CHCHD3: variants seen among roughly 807,000 people sequenced by gnomAD.
The protein encoded by CHCHD3 is MICOS complex subunit MIC19.
CHCHD3 carries 20 observed loss-of-function variants against 38.2 expected under a neutral mutation model. That is an observed-to-expected ratio of 0.52 (90% CI 0.37 to 0.76). CHCHD3 has a LOEUF of 0.76. Among genes scored for constraint, CHCHD3 ranks in the 30% least tolerant of loss-of-function variants. CHCHD3 has a pLI of 0.00. For synonymous variants in CHCHD3, 82 were observed against 100.0 expected (o/e 0.82, Z 1.07); for missense variants, 245 against 279.2 (o/e 0.88, Z 0.87).
chr7:132,901,777 C>T (rs1585620727), intron 4 of CHCHD3, among the ~76,000 whole-genome samples: 1 of 152,186 alleles, frequency 6.6e-6, no homozygotes, highest in African/African-American at 2.4e-5. Context: ...CCTGTTCACT[C>T]TGATGACAGT....
At chr7:132,906,946 A>G (rs1809817338) in intron 4 of CHCHD3, among the ~76,000 whole-genome samples, 1 of 152,202 alleles carries the variant, frequency 6.6e-6, no homozygotes, top group African/African-American at 2.4e-5. Context: ...GCCTGATCTA[A>G]GCAGAATACA....
chr7:132,917,783 C>A (rs1206339059), intron 4 of CHCHD3, among the ~76,000 whole-genome samples: 2 of 131,814 alleles, frequency 1.5e-5, no homozygotes, highest in Non-Finnish European at 3.1e-5. Flanking sequence ...GACGTGAACT[C>A]GGGAGGCGGA....
intron 4 of CHCHD3, among the ~76,000 whole-genome samples, chr7:132,901,401 C>T (rs7790698): frequency 0.7 from 106,944 of 152,070 alleles, 37,794 homozygotes; most frequent in African/African-American, 0.75. Flanking sequence ...ACCTCAGTGC[C>T]GGGATGGAGG....
chr7:132,896,295 G>T (rs1809493542), intron 4 of CHCHD3, among the ~76,000 whole-genome samples: 1 of 152,124 alleles, frequency 6.6e-6, no homozygotes. Context: ...TTCAGATCAG[G>T]CAAGGCTGAG....
chr7:132,981,960 G>A (rs1231299100), intron 3 of CHCHD3, among the ~76,000 whole-genome samples: 4 of 152,058 alleles, frequency 2.6e-5, no homozygotes, highest in South Asian at 2.1e-4. Context: ...AATGAGTGAC[G>A]ACAACCTCAA....
intron 2 of CHCHD3, chr7:133,034,508 CTTTTT>C (rs146912120): frequency 1.4e-4 from 40 of 285,080 alleles, no homozygotes; most frequent in Middle Eastern, 1.0e-3. Context: ...TGGATCCAGT[CTTTTT>C]TTTTTTTTTT....
intron 5 of CHCHD3, among the ~76,000 whole-genome samples, chr7:132,858,128 T>C (rs1808390315): frequency 6.6e-6 from 1 of 152,166 alleles, no homozygotes; most frequent in African/African-American, 2.4e-5. Context: ...AGTGGTACGA[T>C]CTCAGCTCAC....
At chr7:133,006,392 G>T (rs922295985) in intron 3 of CHCHD3, among the ~76,000 whole-genome samples, 1 of 151,980 alleles carries the variant, frequency 6.6e-6, no homozygotes, top group Non-Finnish European at 1.5e-5. Flanking sequence ...CTTGAACCTG[G>T]GAAGGTAGAG....
chr7:133,024,552 T>A lies in CHCHD3; in HGVS notation c.245A>T (p.Gln82Leu). The A allele has an allele frequency of 6.2e-7, 1 of 1,612,316 alleles. No individual in the cohort carries two copies. Residue 82 changes from glutamine (Q) to leucine (L), a missense_variant, in exon 3 of 8, where the codon CAG (glutamine) becomes CTG (leucine). Transcript: ENST00000262570. ...CTGATACCACAAAACTCACCGTTTCTGATCTTCGGATTCTTTCTTGGCTTG... is the reference window on the plus strand; with the variant it reads ...CTGATACCACAAAACTCACCGTTTCAGATCTTCGGATTCTTTCTTGGCTTG... The part of the protein sequence containing the change: ...LEQAKKESED[Q>L]KRLKQAKELD...
chr7:133,018,198 A>T (rs938887908), intron 3 of CHCHD3, among the ~76,000 whole-genome samples: 1 of 152,246 alleles, frequency 6.6e-6, no homozygotes. Flanking sequence ...ATAAAGGAAT[A>T]TTTTGGAAAT....
In CHCHD3 at chr7:133,035,421, G is replaced by A. The variant is rs761055792; in HGVS notation, c.170-10794C>T. The A allele has an allele frequency of 4.1e-5, 66 of 1,613,358 alleles. No individual in the cohort carries two copies. The highest frequency in any genetic ancestry group is 5.3e-5 in the Non-Finnish European group (63 of 1,179,480). The stretch of plus-strand genomic sequence containing the variant: ...AACCTGCTTATAGAGCCACAACAGG[G>A]TGCAGACAACTGTGATGTCAGCCAA... On this transcript the variant is annotated intron_variant, in intron 2 of 7. Coordinates refer to ENST00000262570, the MANE Select transcript of CHCHD3 (RefSeq NM_017812.4). This position sits in a 1 kb window ranked among gnomAD's most constrained non-coding sequence, Gnocchi z 4.7.
chr7:132,965,059 ATG>A (rs5887603), intron 4 of CHCHD3, among the ~76,000 whole-genome samples: 92 of 148,518 alleles, frequency 6.2e-4, no homozygotes, highest in East Asian at 3.6e-3. Context: ...TATGGGTTTT[ATG>A]TGTGTGTGTG....
At chr7:132,844,386 G>A (rs1303914571) in intron 5 of CHCHD3, among the ~76,000 whole-genome samples, 3 of 152,124 alleles carry the variant, frequency 2.0e-5, no homozygotes, top group Non-Finnish European at 4.4e-5. Context: ...TCATTTTTTT[G>A]TGTGTAACAA....
intron 4 of CHCHD3, among the ~76,000 whole-genome samples, chr7:132,962,103 C>A (rs1451707669): frequency 1.3e-5 from 2 of 152,128 alleles, no homozygotes; most frequent in African/African-American, 4.8e-5. Context: ...AGCATTTATG[C>A]CCGGCCTGTG....
intron 4 of CHCHD3, among the ~76,000 whole-genome samples, chr7:132,953,129 A>G (rs1811071421): frequency 6.6e-6 from 1 of 152,172 alleles, no homozygotes; most frequent in South Asian, 2.1e-4. Flanking sequence ...AGTGATAGCT[A>G]GTCTATAAAA....
Position 133,062,411 on chromosome 7 carries a change from C to T in CHCHD3, c.169+7731G>A, listed in dbSNP as rs114878233. On this transcript the variant is annotated intron_variant, in intron 2 of 7. Coordinates refer to ENST00000262570, the MANE Select transcript of CHCHD3 (RefSeq NM_017812.4). ...TATTCTATTAGTTTTGCTTGACTAA[C>T]CAATGCCGTATTTTATTTCACAAAT... Among the ~76,000 whole-genome samples, 319 of 152,206 alleles carry T rather than the reference C, an allele frequency of 2.1e-3. 3 individuals are homozygous for T. The highest frequency in any genetic ancestry group is 7.5e-3 in the African/African-American group (312 of 41,540).
chr7:132,973,960 G>A (rs1239596977), intron 4 of CHCHD3: 1 of 1,286,032 alleles, frequency 7.8e-7, no homozygotes, highest in Non-Finnish European at 1.0e-6. Flanking sequence ...GGGTTTCTAG[G>A]AAGGCCGAAG....
intron 2 of CHCHD3, among the ~76,000 whole-genome samples, chr7:133,048,406 A>G (rs1289223430): frequency 1.3e-5 from 2 of 152,222 alleles, no homozygotes; most frequent in African/African-American, 4.8e-5. Flanking sequence ...TGGCAAATTA[A>G]GAAGTAATCA....
At chr7:132,930,356 A>G (rs1417661903) in intron 4 of CHCHD3, among the ~76,000 whole-genome samples, 1 of 151,670 alleles carries the variant, frequency 6.6e-6, no homozygotes, top group Non-Finnish European at 1.5e-5. Context: ...TTTGGTAGAG[A>G]GTGGGTCTCA....
Sources: gnomAD v4.1 joint callset for allele counts (sites outside exome capture counted in the v4.1 genomes callset) on GRCh38, gnomAD v4.1.1 for gene constraint, Gnocchi (gnomAD v3.1) non-coding constraint, MANE v1.5 for transcripts, NCBI Gene and HGNC (gene_info 2026-07-23, HGNC 2026-07-21) for gene names.